ZNF469: variants seen among roughly 807,000 people sequenced by gnomAD.
ZNF469 encodes zinc finger protein 469.
In ZNF469, 1 loss-of-function variant was observed where a neutral mutation model predicts 1.0. The observed-to-expected ratio is 1.00, with a 90% CI of 0.35 to 4.73. The LOEUF is 4.73. ZNF469 is among the 30% of genes most tolerant of loss of function. ZNF469 has a pLI of 0.16. For synonymous variants in ZNF469, 2,703 were observed against 2,363.4 expected, an observed-to-expected ratio of 1.14 and a Z score of -4.17; for missense variants, 6,100 against 5,356.3, an observed-to-expected ratio of 1.14 and a Z score of -4.33.
the ZNF469 span, among the ~76,000 whole-genome samples, chr16:88,115,548 G>A: frequency 3.9e-5 from 6 of 151,956 alleles, no homozygotes; most frequent in South Asian, 2.1e-4. Context: ...AATATGCACC[G>A]TCCAGGACGG....
chr16:88,426,388 G>A (rs886998835), intron 2 of ZNF469, among the ~76,000 whole-genome samples: 3 of 152,272 alleles, frequency 2.0e-5, no homozygotes, highest in Non-Finnish European at 4.4e-5. Context: ...GCCCCCACAC[G>A]GAGCGGCCTG....
chr16:88,141,145 C>T, the ZNF469 span, among the ~76,000 whole-genome samples: 185 of 152,026 alleles, frequency 1.2e-3, no homozygotes, highest in African/African-American at 4.2e-3. Flanking sequence ...CGCTAAATTG[C>T]AAAAAAAGTA....
upstream of ZNF469, among the ~76,000 whole-genome samples, chr16:88,382,127 G>A (rs1260033691): frequency 6.6e-6 from 1 of 152,224 alleles, no homozygotes; most frequent in Non-Finnish European, 1.5e-5. Flanking sequence ...GGGGGAGGGC[G>A]ATCCGTCCCC....
chr16:88,230,147 A>G, the ZNF469 span, among the ~76,000 whole-genome samples: 1 of 152,166 alleles, frequency 6.6e-6, no homozygotes, highest in Non-Finnish European at 1.5e-5. Context: ...TTTGGCTTTC[A>G]TTGACGATGG....
chr16:88,254,108 T>C, the ZNF469 span, among the ~76,000 whole-genome samples: 11 of 152,330 alleles, frequency 7.2e-5, no homozygotes, highest in South Asian at 2.3e-3. Flanking sequence ...ACAAAGATAT[T>C]CTCTAGTGTT....
At chr16:88,394,372 A>C (rs1046517288) in intron 1 of ZNF469, among the ~76,000 whole-genome samples, 1 of 151,614 alleles carries the variant, frequency 6.6e-6, no homozygotes, top group African/African-American at 2.4e-5. Flanking sequence ...TTCAGATGAG[A>C]AAAGAGGTGA....
chr16:88,162,587 T>C, the ZNF469 span, among the ~76,000 whole-genome samples: 1 of 152,242 alleles, frequency 6.6e-6, no homozygotes, highest in East Asian at 1.9e-4. Flanking sequence ...TTTATAAGTC[T>C]GCCAATAAAA....
chr16:88,292,798 CAAAA>C, the ZNF469 span, among the ~76,000 whole-genome samples: 2 of 111,086 alleles, frequency 1.8e-5, no homozygotes, highest in Non-Finnish European at 3.5e-5. Context: ...CCTGTGTTAT[CAAAA>C]AAAAAAAAAA....
the ZNF469 span, among the ~76,000 whole-genome samples, chr16:88,322,430 G>C: frequency 2.0e-5 from 3 of 152,256 alleles, no homozygotes; most frequent in African/African-American, 7.2e-5. Context: ...TGTCACGTCA[G>C]TGTCCCGGCC....
At chr16:88,329,319 T>G in the ZNF469 span, among the ~76,000 whole-genome samples, 2 of 152,190 alleles carry the variant, frequency 1.3e-5, no homozygotes, top group African/African-American at 4.8e-5. Context: ...AGGCCTGGGT[T>G]AGTATTGATC....
the ZNF469 span, among the ~76,000 whole-genome samples, chr16:88,346,571 T>C: frequency 7.2e-5 from 11 of 152,094 alleles, no homozygotes; most frequent in Non-Finnish European, 7.4e-5. Flanking sequence ...CAGGCTGGAG[T>C]GCAGTGGCAC....
chr16:88,200,428 G>A, the ZNF469 span, among the ~76,000 whole-genome samples: 1 of 152,220 alleles, frequency 6.6e-6, no homozygotes, highest in African/African-American at 2.4e-5. Context: ...ACCGCAGAAG[G>A]GACCGCACCT....
At chr16:88,157,463 T>C in the ZNF469 span, among the ~76,000 whole-genome samples, 1 of 152,162 alleles carries the variant, frequency 6.6e-6, no homozygotes, top group Admixed American at 6.5e-5. Context: ...TGGTGAGGGC[T>C]CTCCTCTGTG....
chr16:88,326,524 C>A, the ZNF469 span, among the ~76,000 whole-genome samples: 1 of 152,186 alleles, frequency 6.6e-6, no homozygotes, highest in Non-Finnish European at 1.5e-5. Flanking sequence ...CGGGGACATC[C>A]AGAACCACTT....
chr16:88,326,689 T>C, the ZNF469 span, among the ~76,000 whole-genome samples: 1 of 152,126 alleles, frequency 6.6e-6, no homozygotes, highest in Non-Finnish European at 1.5e-5. Flanking sequence ...GTGTTTGCTT[T>C]AACGTCACTG....
the ZNF469 span, among the ~76,000 whole-genome samples, chr16:88,169,087 C>T: frequency 8.6e-5 from 13 of 152,012 alleles, no homozygotes; most frequent in Non-Finnish European, 1.3e-4. This position sits in a 1 kb window ranked among gnomAD's most constrained non-coding sequence, Gnocchi z 6.1. Context: ...AGGGGACAGG[C>T]CGGAAGTGTG....
At chr16:88,275,597 G>C in the ZNF469 span, among the ~76,000 whole-genome samples, 2 of 152,150 alleles carry the variant, frequency 1.3e-5, no homozygotes, top group Non-Finnish European at 2.9e-5. Context: ...AGGGAGGCGC[G>C]GCTTTCTCCT....
At chr16:88,192,895 ATGGTGG>A in the ZNF469 span, among the ~76,000 whole-genome samples, 1 of 144,918 alleles carries the variant, frequency 6.9e-6, no homozygotes, top group Non-Finnish European at 1.5e-5. Context: ...GGTGGTGGTG[ATGGTGG>A]TGATGATGGA....
intron 1 of ZNF469, among the ~76,000 whole-genome samples, chr16:88,387,251 G>A (rs889407082): frequency 1.3e-5 from 2 of 152,172 alleles, no homozygotes; most frequent in African/African-American, 4.8e-5. Context: ...GGAGGGTTGC[G>A]GCCTTGGCCC....
Sources: allele counts gnomAD v4.1 joint callset (sites outside exome capture counted in the v4.1 genomes callset), GRCh38; gene constraint gnomAD v4.1.1; non-coding constraint Gnocchi (gnomAD v3.1); transcripts MANE v1.5; gene names NCBI Gene and HGNC (gene_info 2026-07-23, HGNC 2026-07-21).